MOB1A: variants seen among roughly 807,000 people sequenced by gnomAD.
MOB1A encodes the protein MOB1 Mps One Binder homolog A.
A neutral mutation model predicts 25.1 loss-of-function variants in MOB1A; 10 were observed. The observed-to-expected ratio is 0.40, with a 90% CI of 0.25 to 0.68. MOB1A has a LOEUF of 0.68. MOB1A is among the 30% of genes least tolerant of loss of function. The probability of loss-of-function intolerance (pLI) is 0.40; values close to 1 mark genes in which losing one functional copy is unlikely to be tolerated. For synonymous variants in MOB1A, 81 were observed against 79.5 expected (o/e 1.02, Z -0.10); for missense variants, 177 against 256.3 (o/e 0.69, Z 2.11).
rs1180393923 is a variant in MOB1A at position 74,154,862 on chromosome 2, T to A, written c.*1706A>T. ...GAGGGCTTTTCTCTCTTTTTTTTAA[T>A]AATGACTGTCCCACACTTTAATTCC... is the stretch of plus-strand genomic sequence containing the variant. On this transcript the variant is annotated 3_prime_UTR_variant, in exon 6 of 6. Coordinates refer to ENST00000396049, the MANE Select transcript of MOB1A (RefSeq NM_018221.5). 1 of 152,226 alleles carries A rather than the reference T, an allele frequency of 6.6e-6. No homozygotes were observed. The highest frequency in any genetic ancestry group is 1.5e-5 in the Non-Finnish European group (1 of 68,038). 9.4% of individuals were successfully genotyped at this position (152,226 alleles called of 1,614,324 possible). A position where few individuals can be genotyped will look rare whatever the true frequency, so the allele number is the denominator to read the frequency against.
chr2:74,167,251 G>A, intron 2 of MOB1A, 144 bp from the exon 3 acceptor site: 1 of 617,706 alleles, frequency 1.6e-6, no homozygotes, highest in Non-Finnish European at 2.9e-6. Context: ...GTAACTTGTA[G>A]TATACTACAC....
intron 4 of MOB1A, among the ~76,000 whole-genome samples, chr2:74,162,092 A>G (rs1390356376): frequency 6.6e-6 from 1 of 152,264 alleles, no homozygotes; most frequent in Non-Finnish European, 1.5e-5. Context: ...GTCTGAGACT[A>G]AATAACTGGC....
At chr2:74,162,488 A>G (rs991159528) in intron 4 of MOB1A, among the ~76,000 whole-genome samples, 1 of 152,294 alleles carries the variant, frequency 6.6e-6, no homozygotes, top group Non-Finnish European at 1.5e-5. Context: ...TCTCCAAACA[A>G]AAAAGAGAGA....
intron 4 of MOB1A, chr2:74,164,996 C>T: frequency 3.7e-6 from 1 of 269,166 alleles, no homozygotes; most frequent in Non-Finnish European, 6.8e-6. Flanking sequence ...ACAAGTATAA[C>T]AATGTTAAAA....
intron 2 of MOB1A, among the ~76,000 whole-genome samples, chr2:74,167,861 G>A (rs1693177158): frequency 6.6e-6 from 1 of 152,176 alleles, no homozygotes; most frequent in Non-Finnish European, 1.5e-5. Flanking sequence ...ATATGGCCAG[G>A]CATGGTGGCT....
intron 4 of MOB1A, among the ~76,000 whole-genome samples, chr2:74,160,408 G>C (rs1189970102): frequency 6.6e-6 from 1 of 152,152 alleles, no homozygotes; most frequent in Non-Finnish European, 1.5e-5. Flanking sequence ...AAGGCAGCCG[G>C]GCACAGTGGC....
At chr2:74,173,004 C>A (rs377334356) in intron 1 of MOB1A, among the ~76,000 whole-genome samples, 1 of 152,060 alleles carries the variant, frequency 6.6e-6, no homozygotes, top group Non-Finnish European at 1.5e-5. Flanking sequence ...AGCATGATGG[C>A]GCACACCTGT....
At chr2:74,174,380 G>A (rs952448449) in intron 1 of MOB1A, among the ~76,000 whole-genome samples, 6 of 152,004 alleles carry the variant, frequency 3.9e-5, no homozygotes, top group Admixed American at 3.9e-4. Context: ...AGGATTTCTT[G>A]AGCCCAGGAG....
At chr2:74,170,524 C>G (rs1693261083) in intron 2 of MOB1A, among the ~76,000 whole-genome samples, 1 of 151,488 alleles carries the variant, frequency 6.6e-6, no homozygotes, top group South Asian at 2.1e-4. Flanking sequence ...TACCTGAAGT[C>G]AGGAGTTCGA....
rs868536372 is a variant in MOB1A, at chr2:74,171,310, T to A, written c.181+1276A>T. On this transcript the variant is annotated intron_variant, in intron 2 of 5. Coordinates refer to ENST00000396049, the MANE Select transcript of MOB1A (RefSeq NM_018221.5). ...CTCAAAAAATAAAATAAAAAAAAAATAAAAAATAAAAGAAACATTTATGGG... is the reference window on the plus strand; with the variant it reads ...CTCAAAAAATAAAATAAAAAAAAAAAAAAAAATAAAAGAAACATTTATGGG... 4.0e-5 allele frequency among the ~76,000 whole-genome samples: 6 copies of A among 150,672 alleles called. No individual in the cohort carries two copies. The South Asian group carries it at 6.3e-4, about 16-fold the overall frequency.
At chr2:74,165,973 A>C (rs1693119098) in intron 3 of MOB1A, among the ~76,000 whole-genome samples, 1 of 152,216 alleles carries the variant, frequency 6.6e-6, no homozygotes, top group South Asian at 2.1e-4. Flanking sequence ...AAATATTATA[A>C]TAAAAATAGA....
At chr2:74,174,989 C>G (rs1693409514) in intron 1 of MOB1A, among the ~76,000 whole-genome samples, 1 of 152,174 alleles carries the variant, frequency 6.6e-6, no homozygotes, top group African/African-American at 2.4e-5. Context: ...CCCCCAACCC[C>G]AAGGACACAG....
intron 2 of MOB1A, among the ~76,000 whole-genome samples, chr2:74,171,904 A>AAAAT (rs58041450): frequency 0.016 from 2,417 of 152,102 alleles, 56 homozygotes; most frequent in African/African-American, 0.054. Flanking sequence ...CTCCATCTCA[A>AAAAT]AAATAAATAA....
Position 74,159,217 on chromosome 2 carries a change from C to T in MOB1A, c.447G>A (p.Lys149=), listed in dbSNP as rs1436800217. Residue 149 remains lysine, a synonymous_variant, in exon 5 of 6, where the codon AAG becomes AAA. Transcript: ENST00000396049. ...PFPKNFMSVA[K]TILKRLFRVY... ...CCCTGAACAGACGCTTTAGAATAGT[C>T]TTTGCCACAGACATAAAGTTTTTGG... is the stretch of plus-strand genomic sequence containing the variant. 1.2e-6 allele frequency: 2 copies of T among 1,613,770 alleles called. No homozygotes were observed. Among genetic ancestry groups the T allele is most frequent in the Non-Finnish European group, 1.7e-6 (2 of 1,179,840 alleles).
rs2103677648 is a variant in MOB1A at position 74,154,175 on chromosome 2, A to C, written c.*2393T>G. ...ACCACTGTACTCCAGCCTGGGTGAC[A>C]GAGTGAGACTCTGTCTCAAAAAAAA... is the stretch of plus-strand genomic sequence containing the variant. On this transcript the variant is annotated 3_prime_UTR_variant, in exon 6 of 6. Coordinates refer to ENST00000396049, the MANE Select transcript of MOB1A (RefSeq NM_018221.5). The C allele has an allele frequency of 6.8e-6, 1 of 147,778 alleles. No homozygotes were observed. Among genetic ancestry groups the C allele is most frequent in the Admixed American group, 6.8e-5 (1 of 14,688 alleles). The allele number at this position is 147,778 out of a possible 1,614,324, so 9.2% of individuals were successfully genotyped here.
At chr2:74,174,254 A>G (rs1407544779) in intron 1 of MOB1A, among the ~76,000 whole-genome samples, 2 of 145,456 alleles carry the variant, frequency 1.4e-5, no homozygotes, top group African/African-American at 5.2e-5. Context: ...TTGGCAACAG[A>G]GTGAGACTCC....
chr2:74,175,789 A>G (rs565002329), intron 1 of MOB1A, among the ~76,000 whole-genome samples: 4 of 152,272 alleles, frequency 2.6e-5, no homozygotes, highest in Admixed American at 2.0e-4. Context: ...GTTAAACATA[A>G]TACACAACCA....
At position 74,172,709 on chromosome 2, in the gene MOB1A, G is replaced by C; in HGVS notation, c.58C>G (p.Pro20Ala). ...SKTFKPKKNI[P>A]EGSHQYELLK... ...AGTTCATACTGATGAGATCCTTCAG[G>C]GATATTCTTCTTTGGTTTGAATGTT... Residue 20 changes from proline to alanine, a missense_variant, in exon 2 of 6, where the codon CCT (proline) becomes GCT (alanine). Transcript: ENST00000396049. The C allele has an allele frequency of 6.2e-7, 1 of 1,613,746 alleles. No homozygotes were observed. Among genetic ancestry groups the C allele is most frequent in the Non-Finnish European group, 8.5e-7 (1 of 1,179,856 alleles).
At chr2:74,157,651 T>A (rs569643737) in intron 5 of MOB1A, among the ~76,000 whole-genome samples, 128 of 152,278 alleles carry the variant, frequency 8.4e-4, no homozygotes, top group African/African-American at 3.0e-3. Context: ...TTATAGGACA[T>A]TCATCTGGTG....
Sources: gnomAD v4.1 joint callset for allele counts (sites outside exome capture counted in the v4.1 genomes callset) on GRCh38, gnomAD v4.1.1 for gene constraint, MANE v1.5 for transcripts, NCBI Gene and HGNC (gene_info 2026-07-23, HGNC 2026-07-21) for gene names.